CDH4: variants seen among roughly 807,000 people sequenced by gnomAD.
The protein encoded by CDH4 is cadherin 4, also known as cadherin-4.
CDH4 carries 33 observed loss-of-function variants against 86.0 expected under a neutral mutation model. That is an observed-to-expected ratio of 0.38 (90% CI 0.29 to 0.51). CDH4 has a LOEUF of 0.51. CDH4 is among the 20% of genes least tolerant of loss of function. CDH4 has a pLI of 0.86. For synonymous variants in CDH4, 555 were observed against 549.4 expected (o/e 1.01, Z -0.14); for missense variants, 1,114 against 1,307.4 (o/e 0.85, Z 2.28).
intron 2 of CDH4, among the ~76,000 whole-genome samples, chr20:61,333,029 A>C (rs1398232771): frequency 6.6e-6 from 1 of 152,224 alleles, no homozygotes; most frequent in Non-Finnish European, 1.5e-5. Flanking sequence ...GGACCAAACT[A>C]AACACTTATT....
chr20:61,592,956 G>A (rs565276184), intron 2 of CDH4, among the ~76,000 whole-genome samples: 2 of 152,146 alleles, frequency 1.3e-5, no homozygotes, highest in South Asian at 2.1e-4. Context: ...AAATGATCCC[G>A]GGTTACCTGG....
intron 2 of CDH4, among the ~76,000 whole-genome samples, chr20:61,561,878 C>T (rs1025924046): frequency 6.6e-6 from 1 of 152,236 alleles, no homozygotes. Context: ...CTTCTCTGGG[C>T]CCCAGTGGCT....
At chr20:61,361,878 C>T (rs2084785136) in intron 2 of CDH4, among the ~76,000 whole-genome samples, 1 of 152,196 alleles carries the variant, frequency 6.6e-6, no homozygotes, top group Non-Finnish European at 1.5e-5. Context: ...TGTTCCAGAC[C>T]CAGGGGATCA....
rs2086792944 is a variant in CDH4 at position 61,623,061 on chromosome 20, G to A, written c.170-120502G>A. ...CAGTCAGGGAAACAAACGGGGAGGT[G>A]CCTTAGAGGCAAAGCTTCATTTAAA... On this transcript the variant is annotated intron_variant, in intron 2 of 15. Transcript: ENST00000614565. The surrounding 1 kb of genome is among the most constrained non-coding windows in gnomAD (Gnocchi z 4.4). Among the ~76,000 whole-genome samples the A allele has an allele frequency of 6.6e-6, 1 of 152,190 alleles. No individual in the cohort carries two copies. Among genetic ancestry groups the A allele is most frequent in the African/African-American group, 2.4e-5 (1 of 41,424 alleles).
At chr20:61,280,401 C>T (rs1023201520) in intron 2 of CDH4, among the ~76,000 whole-genome samples, 6 of 152,192 alleles carry the variant, frequency 3.9e-5, no homozygotes, top group South Asian at 2.1e-4. Context: ...GGGCGTGTGA[C>T]GCGTGTGAGG....
At chr20:61,882,628 G>A (rs1458792136) in intron 7 of CDH4, among the ~76,000 whole-genome samples, 3 of 152,158 alleles carry the variant, frequency 2.0e-5, no homozygotes, top group African/African-American at 7.2e-5. Context: ...CCAGGCCCAG[G>A]ATGCTCCCTG....
At chr20:61,759,918 C>T (rs1034701033) in intron 3 of CDH4, among the ~76,000 whole-genome samples, 19 of 152,256 alleles carry the variant, frequency 1.2e-4, no homozygotes, top group African/African-American at 4.3e-4. Context: ...TTAGGAATGC[C>T]GAGGTTGAGA....
intron 4 of CDH4, among the ~76,000 whole-genome samples, chr20:61,840,734 G>A (rs1195054254): frequency 6.6e-6 from 1 of 152,328 alleles, no homozygotes; most frequent in Middle Eastern, 3.4e-3. Flanking sequence ...GTGGAAAACT[G>A]TTCTCCCCTG....
At chr20:61,889,850 AATGG>A (rs1305334354) in intron 7 of CDH4, among the ~76,000 whole-genome samples, 2 of 133,038 alleles carry the variant, frequency 1.5e-5, no homozygotes, top group East Asian at 2.8e-4. Context: ...ATGGATAGAT[AATGG>A]ATGGATGGAT....
intron 2 of CDH4, among the ~76,000 whole-genome samples, chr20:61,428,312 A>G (rs572936086): frequency 6.6e-5 from 10 of 152,336 alleles, no homozygotes; most frequent in African/African-American, 7.2e-5. Flanking sequence ...AAAGCTGAAT[A>G]TATGCATATC....
Position 61,517,111 on chromosome 20 carries a change from A to G in CDH4, c.170-226452A>G, listed in dbSNP as rs2085827585. On this transcript the variant is annotated intron_variant, in intron 2 of 15. Coordinates refer to ENST00000614565, the MANE Select transcript of CDH4 (RefSeq NM_001794.5). The surrounding 1 kb of genome is among the most constrained non-coding windows in gnomAD (Gnocchi z 6.6). ...AAGCTCCCTCAGGCCCCTTGTGGCC[A>G]CGATCCCTTCACCAAAGGGTAACCA... Among the ~76,000 whole-genome samples the G allele has an allele frequency of 6.6e-6, 1 of 152,218 alleles. No individual in the cohort carries two copies. The highest frequency in any genetic ancestry group is 1.5e-5 in the Non-Finnish European group (1 of 68,036).
intron 4 of CDH4, among the ~76,000 whole-genome samples, chr20:61,780,041 C>T (rs1978456783): frequency 6.6e-6 from 1 of 152,218 alleles, no homozygotes; most frequent in Non-Finnish European, 1.5e-5. Flanking sequence ...CTCATGGAAG[C>T]AGGGTGGCCT....
At position 61,714,148 on chromosome 20, in the gene CDH4, G is replaced by A. The variant is rs187527416; in HGVS notation, c.170-29415G>A. On this transcript the variant is annotated intron_variant, in intron 2 of 15. Transcript: ENST00000614565. ...TACAAGCTCTGCCTCCCAGGTTCACGCCATTCTCCTGCCTCAGCCTCCCAA... is the reference window on the plus strand; with the variant it reads ...TACAAGCTCTGCCTCCCAGGTTCACACCATTCTCCTGCCTCAGCCTCCCAA... Among the ~76,000 whole-genome samples the A allele has an allele frequency of 7.9e-5, 12 of 151,970 alleles. No individual in the cohort carries two copies. The East Asian group carries it at 9.7e-4, about 12-fold the overall frequency.
chr20:61,688,281 A>G (rs2087611116), intron 2 of CDH4, among the ~76,000 whole-genome samples: 1 of 151,892 alleles, frequency 6.6e-6, no homozygotes, highest in South Asian at 2.2e-4. Flanking sequence ...GAATTTCTCC[A>G]GCTGGGGTCT....
intron 2 of CDH4, among the ~76,000 whole-genome samples, chr20:61,298,005 C>A (rs1008921585): frequency 6.6e-6 from 1 of 152,198 alleles, no homozygotes; most frequent in African/African-American, 2.4e-5. Flanking sequence ...CCCGTTATCC[C>A]GTGTCAAGGA....
rs2055208365 is a variant in CDH4, at chr20:61,937,388, C to T, written c.*445C>T. ...CCCCAGCTAGTCCCAGCTCTGAAGG[C>T]ATCATTCAGAAATGGGGGAGACTGT... On this transcript the variant is annotated 3_prime_UTR_variant, in exon 16 of 16. Transcript: ENST00000614565. The T allele has an allele frequency of 6.4e-6, 1 of 155,182 alleles. No homozygotes were observed. Among genetic ancestry groups the T allele is most frequent in the Non-Finnish European group, 1.4e-5 (1 of 70,244 alleles). 9.6% of individuals were successfully genotyped at this position (155,182 alleles called of 1,614,324 possible). A position where few individuals can be genotyped will look rare whatever the true frequency, so the allele number is the denominator to read the frequency against.
rs1266406153 is a variant in CDH4 at position 61,589,931 on chromosome 20, T to TTAACA, written c.170-153632_170-153631insTAACA. ...ACAGGATTAACAGGAGCGATGGGAA[T>TTAACA]GGTGCTCCTTGAGAGGGGGCGGCCA... On this transcript the variant is annotated intron_variant, in intron 2 of 15. Transcript: ENST00000614565. 5.7e-4 allele frequency among the ~76,000 whole-genome samples: 86 copies of TTAACA among 151,548 alleles called. 1 individual carries two copies. In the South Asian group the frequency reaches 0.018, roughly 32 times the overall value.
intron 2 of CDH4, among the ~76,000 whole-genome samples, chr20:61,706,531 C>T (rs147169941): frequency 1.3e-5 from 2 of 152,224 alleles, no homozygotes; most frequent in Non-Finnish European, 2.9e-5. Context: ...ACGAAGACTC[C>T]GGGGAGGAAG....
intron 8 of CDH4, among the ~76,000 whole-genome samples, chr20:61,904,324 A>G (rs1446332066): frequency 1.3e-5 from 2 of 152,158 alleles, no homozygotes; most frequent in Non-Finnish European, 2.9e-5. Flanking sequence ...CATGGGGGTC[A>G]CCAGGCAGCT....
Sources: gnomAD v4.1 joint callset for allele counts (sites outside exome capture counted in the v4.1 genomes callset) on GRCh38, gnomAD v4.1.1 for gene constraint, Gnocchi (gnomAD v3.1) non-coding constraint, MANE v1.5 for transcripts, NCBI Gene and HGNC (gene_info 2026-07-23, HGNC 2026-07-21) for gene names.